Variants in PLEKHA7 observed in about 807,000 individuals in gnomAD.
PLEKHA7 encodes the protein pleckstrin homology domain containing A7, also known as pleckstrin homology domain-containing family A member 7.
Under a neutral mutation model 170.0 loss-of-function variants are expected in PLEKHA7, and 104 were observed. The ratio of observed to expected loss-of-function variants is 0.61; its 90% confidence interval spans 0.52 to 0.72. PLEKHA7 has a LOEUF of 0.72. Among genes scored for constraint, PLEKHA7 ranks in the 30% least tolerant of loss-of-function variants. The pLI is 0.00. For synonymous variants in PLEKHA7, 648 were observed against 660.8 expected (o/e 0.98, Z 0.30); for missense variants, 1,615 against 1,671.7 (o/e 0.97, Z 0.59).
chr11:17,002,276 C>T (rs1018856817), intron 3 of PLEKHA7, among the ~76,000 whole-genome samples: 5 of 152,102 alleles, frequency 3.3e-5, no homozygotes, highest in Admixed American at 6.5e-5. Flanking sequence ...TGGCAGTGCA[C>T]GCCTGTAGTC....
intron 13 of PLEKHA7, among the ~76,000 whole-genome samples, chr11:16,804,953 C>T (rs558355056): frequency 6.6e-6 from 1 of 152,248 alleles, no homozygotes; most frequent in South Asian, 2.1e-4. Flanking sequence ...GAATCACAAA[C>T]AGCTGAACTT....
Position 16,817,639 on chromosome 11 carries a change from C to T in PLEKHA7, c.1344-317G>A, listed in dbSNP as rs529605273. Among the ~76,000 whole-genome samples the T allele has an allele frequency of 2.6e-5, 4 of 152,298 alleles. No individual in the cohort carries two copies. In the East Asian group the frequency reaches 7.7e-4, roughly 29 times the overall value. On this transcript the variant is annotated intron_variant, in intron 10 of 26. Coordinates refer to ENST00000531066, the MANE Select transcript of PLEKHA7 (RefSeq NM_001329630.2). The surrounding 1 kb of genome is among the most constrained non-coding windows in gnomAD (Gnocchi z 4.4). ...GCAGTCAGCTCTTTCAATGGCTATG[C>T]ATATTTATAGGAAAGGCCTCACAAT...
At chr11:17,009,866 T>C (rs1865220440) in intron 3 of PLEKHA7, among the ~76,000 whole-genome samples, 1 of 152,026 alleles carries the variant, frequency 6.6e-6, no homozygotes, top group Non-Finnish European at 1.5e-5. Context: ...TGGCCTCAAG[T>C]GATCCCCTCG....
chr11:16,826,332 T>C lies in PLEKHA7; in HGVS notation c.1131A>G (p.Leu377=). 1 of 1,614,218 alleles carries C rather than the reference T, an allele frequency of 6.2e-7. No homozygotes were observed. The highest frequency in any genetic ancestry group is 8.5e-7 in the Non-Finnish European group (1 of 1,180,040). ...PAEEDALFMD[L]PTGPRGQQAQ... Reference sequence around the variant, plus strand: ...CCTGCTGGCCTCTTGGGCCAGTGGGTAAATCCATAAACAAGGCATCCTCCT... The same window carrying C: ...CCTGCTGGCCTCTTGGGCCAGTGGGCAAATCCATAAACAAGGCATCCTCCT... The change falls in exon 10 of 27, where the codon TTA becomes TTG. Residue 377 remains leucine, a synonymous_variant. Transcript: ENST00000531066.
At chr11:16,993,143 T>C (rs1026169651) in intron 3 of PLEKHA7, among the ~76,000 whole-genome samples, 5 of 152,152 alleles carry the variant, frequency 3.3e-5, no homozygotes, top group African/African-American at 7.2e-5. Flanking sequence ...CAAGAAACCC[T>C]TTCTATGCAA....
chr11:16,947,996 T>C (rs940928630), intron 3 of PLEKHA7, among the ~76,000 whole-genome samples: 1 of 151,984 alleles, frequency 6.6e-6, no homozygotes, highest in Non-Finnish European at 1.5e-5. Flanking sequence ...CTAGTCTGCC[T>C]TTAAAAAGAA....
chr11:16,783,889 C>T, intron 24 of PLEKHA7, 56 bp from the exon 25 acceptor site: 12 of 1,354,342 alleles, frequency 8.9e-6, no homozygotes, highest in Admixed American at 3.5e-5. Flanking sequence ...GGGTTTAGGA[C>T]TCGCTTTCCC....
intron 3 of PLEKHA7, among the ~76,000 whole-genome samples, chr11:16,908,230 T>C (rs1008729041): frequency 2.9e-5 from 4 of 139,042 alleles, no homozygotes; most frequent in African/African-American, 1.1e-4. Flanking sequence ...AATCCCCCTC[T>C]GCGAGAAACA....
intron 3 of PLEKHA7, among the ~76,000 whole-genome samples, chr11:16,907,196 T>G: frequency 1.0e-5 from 1 of 95,456 alleles, no homozygotes; most frequent in East Asian, 2.9e-4. Flanking sequence ...AGCCGCCCCA[T>G]CCGGGAGGGA....
At chr11:16,790,250 G>C (rs1847749031) in intron 21 of PLEKHA7, 1 of 262,936 alleles carries the variant, frequency 3.8e-6, no homozygotes. Context: ...AGGACAGTGA[G>C]AAGGACACTC....
chr11:16,929,870 G>A (rs1435342296), intron 3 of PLEKHA7, among the ~76,000 whole-genome samples: 1 of 152,168 alleles, frequency 6.6e-6, no homozygotes, highest in African/African-American at 2.4e-5. Context: ...TGGGCGTGGT[G>A]GCGTGTGCCT....
At chr11:16,899,766 T>C (rs1194652273) in intron 3 of PLEKHA7, among the ~76,000 whole-genome samples, 1 of 152,228 alleles carries the variant, frequency 6.6e-6, no homozygotes, top group Admixed American at 6.5e-5. Context: ...TAGATAGCAT[T>C]ATTTCCATTA....
intron 3 of PLEKHA7, among the ~76,000 whole-genome samples, chr11:16,995,106 C>T (rs1864261936): frequency 6.6e-6 from 1 of 152,164 alleles, no homozygotes; most frequent in African/African-American, 2.4e-5. Flanking sequence ...CTCATTTAAT[C>T]CCTGCCACAA....
rs1193444839 is a variant in PLEKHA7 at position 16,935,722 on chromosome 11, A to T, written c.222-64540T>A. Among the ~76,000 whole-genome samples, 8 of 152,292 alleles carry T rather than the reference A, an allele frequency of 5.3e-5. No individual in the cohort carries two copies. In the East Asian group the frequency reaches 1.5e-3, roughly 29 times the overall value. On this transcript the variant is annotated intron_variant, in intron 3 of 26. Transcript: ENST00000531066. ...GGGATACTCTCTCTACATAATCCTG[A>T]ATGTTGCAATTATTCAGATCCCCAT...
chr11:16,977,027 C>A (rs1156427854), intron 3 of PLEKHA7, among the ~76,000 whole-genome samples: 1 of 152,148 alleles, frequency 6.6e-6, no homozygotes, highest in Non-Finnish European at 1.5e-5. Flanking sequence ...GACCTGAGAT[C>A]CCCCAGTGCA....
rs1851294724 is a variant in PLEKHA7, at chr11:16,833,667, T to C, written c.873-7077A>G. Reference sequence around the variant, plus strand: ...TGTCATGGACAACCTGCAATCCCTGTAACAATTCTGCAAGGTCAGGACTGA... The same window carrying C: ...TGTCATGGACAACCTGCAATCCCTGCAACAATTCTGCAAGGTCAGGACTGA... On this transcript the variant is annotated intron_variant, in intron 9 of 26. Transcript: ENST00000531066. 2.0e-5 allele frequency among the ~76,000 whole-genome samples: 3 copies of C among 152,146 alleles called. No individual in the cohort carries two copies. The South Asian group carries it at 6.2e-4, about 32-fold the overall frequency.
At position 16,794,958 on chromosome 11, in the gene PLEKHA7, C is replaced by T. The variant is rs772493553; in HGVS notation, c.2470G>A (p.Ala824Thr). 9 of 1,613,868 alleles carry T rather than the reference C, an allele frequency of 5.6e-6. No homozygotes were observed. The South Asian group carries it at 8.8e-5, about 16-fold the overall frequency. The part of the protein sequence containing the change: ...RIEDVTAGLS[A>T]NKENFRILVE... ...AGAATTCTGAAGTTCTCTTTATTTG[C>T]ACTCAGGCCTGCAGTGACATCTTCA... Residue 824 changes from alanine to threonine, a missense_variant, in exon 18 of 27, where the codon GCA becomes ACA. Transcript: ENST00000531066.
At position 16,791,599 on chromosome 11, in the gene PLEKHA7, C is replaced by A; in HGVS notation, c.2746-400G>T. On this transcript the variant is annotated intron_variant, in intron 19 of 26. Coordinates refer to ENST00000531066, the MANE Select transcript of PLEKHA7 (RefSeq NM_001329630.2). The surrounding 1 kb of genome is among the most constrained non-coding windows in gnomAD (Gnocchi z 4.5). ...ACAGCACCACCTACCTGGAGAGTAA[C>A]ATCTACCCACTCAGCAGTGCTCAGC... The A allele has an allele frequency of 2.1e-6, 1 of 468,538 alleles. No individual in the cohort carries two copies. Among genetic ancestry groups the A allele is most frequent in the Non-Finnish European group, 4.2e-6 (1 of 235,298 alleles). The allele number at this position is 468,538 out of a possible 1,614,324, so 29.0% of individuals were successfully genotyped here.
intron 4 of PLEKHA7, 84 bp from the exon 5 acceptor site, chr11:16,855,998 G>A (rs556766633): frequency 4.3e-5 from 51 of 1,187,184 alleles, no homozygotes; most frequent in Admixed American, 1.5e-4. Context: ...GGTAGGAATC[G>A]GTTGTTGGGC....
Sources: allele counts gnomAD v4.1 joint callset (sites outside exome capture counted in the v4.1 genomes callset), GRCh38; gene constraint gnomAD v4.1.1; non-coding constraint Gnocchi (gnomAD v3.1); transcripts MANE v1.5; gene names NCBI Gene and HGNC (gene_info 2026-07-23, HGNC 2026-07-21).